KIAA0825: variants seen among roughly 807,000 people sequenced by gnomAD.
KIAA0825 encodes the protein KIAA0825.
Under a neutral mutation model 147.6 loss-of-function variants are expected in KIAA0825, and 119 were observed. The observed-to-expected ratio is 0.81, with a 90% CI of 0.69 to 0.94. KIAA0825 has a LOEUF of 0.94. Among genes scored for constraint, KIAA0825 ranks in the 40% least tolerant of loss-of-function variants. The probability of loss-of-function intolerance (pLI) is 0.00; values close to 1 mark genes in which losing one functional copy is unlikely to be tolerated. For synonymous variants in KIAA0825, 470 were observed against 518.1 expected (o/e 0.91, Z 1.26); for missense variants, 1,381 against 1,472.7 (o/e 0.94, Z 1.02).
At chr5:94,209,897 C>T (rs1270586253) in intron 20 of KIAA0825, among the ~76,000 whole-genome samples, 1 of 152,186 alleles carries the variant, frequency 6.6e-6, no homozygotes, top group African/African-American at 2.4e-5. Context: ...ATTCACCACC[C>T]AGGTGGCTAC....
intron 16 of KIAA0825, among the ~76,000 whole-genome samples, chr5:94,403,058 G>A (rs925799716): frequency 6.6e-6 from 1 of 152,002 alleles, no homozygotes; most frequent in South Asian, 2.1e-4. Flanking sequence ...CAGAATCACC[G>A]GAGGAAAAAA....
In KIAA0825 at chr5:94,392,982, C is replaced by CA. The variant is rs752875230; in HGVS notation, c.3297-1289dup. Among the ~76,000 whole-genome samples the CA allele has an allele frequency of 8.2e-3, 1,036 of 126,034 alleles. 4 individuals are homozygous for CA. Among genetic ancestry groups the CA allele is most frequent in the African/African-American group, 0.014 (472 of 33,968 alleles). The allele number at this position is 126,034 out of a possible 152,430, so 82.7% of individuals were successfully genotyped here. On this transcript the variant is annotated intron_variant, in intron 17 of 20. Coordinates refer to ENST00000682413, the MANE Select transcript of KIAA0825 (RefSeq NM_001145678.3). ...TCTTTTTGAAGGTGCATACAGGTTG[C>CA]AAAAAAAAAAAAAATTCTTGTCGGG...
chr5:94,509,141 T>C (rs1766140520), intron 5 of KIAA0825, among the ~76,000 whole-genome samples: 1 of 152,174 alleles, frequency 6.6e-6, no homozygotes, highest in Non-Finnish European at 1.5e-5. Context: ...ACTGATCACA[T>C]GTACTCTCTG....
chr5:94,547,508 C>T (rs191626339), intron 2 of KIAA0825, among the ~76,000 whole-genome samples: 14 of 152,090 alleles, frequency 9.2e-5, no homozygotes, highest in South Asian at 8.3e-4. Flanking sequence ...GAGGCCAAGG[C>T]GGGTGGATTG....
rs538286346 is a variant in KIAA0825, at chr5:94,432,935, A to T, written c.2497+7047T>A. Among the ~76,000 whole-genome samples the T allele has an allele frequency of 1.2e-4, 19 of 152,266 alleles. No individual in the cohort carries two copies. In the South Asian group the frequency reaches 3.9e-3, roughly 32 times the overall value. ...ACCCACACACCATACACAACAAAACACCAAGCTTCTGCCATAAAATGCCTT... is the reference window on the plus strand; with the variant it reads ...ACCCACACACCATACACAACAAAACTCCAAGCTTCTGCCATAAAATGCCTT... On this transcript the variant is annotated intron_variant, in intron 14 of 20. Coordinates refer to ENST00000682413, the MANE Select transcript of KIAA0825 (RefSeq NM_001145678.3).
At chr5:94,508,005 AGTCT>A (rs1163258321) in intron 5 of KIAA0825, among the ~76,000 whole-genome samples, 33 of 152,312 alleles carry the variant, frequency 2.2e-4, no homozygotes, top group Non-Finnish European at 3.4e-4. Context: ...TCATCTAGTC[AGTCT>A]GTCTTGAAGA....
intron 10 of KIAA0825, among the ~76,000 whole-genome samples, chr5:94,468,034 G>GT (rs1342134191): frequency 6.6e-6 from 1 of 152,160 alleles, no homozygotes; most frequent in Non-Finnish European, 1.5e-5. Context: ...CAATTAAATT[G>GT]TAACTACTGA....
intron 3 of KIAA0825, among the ~76,000 whole-genome samples, chr5:94,525,487 C>T (rs1769094922): frequency 6.6e-6 from 1 of 151,938 alleles, no homozygotes. Flanking sequence ...CCTCTGGCCA[C>T]AGGCCACTCA....
chr5:94,402,733 A>C (rs1449107655), intron 16 of KIAA0825, among the ~76,000 whole-genome samples: 3 of 151,384 alleles, frequency 2.0e-5, no homozygotes, highest in African/African-American at 7.3e-5. Context: ...CTAGTTTCCT[A>C]GTTTTCTAGT....
intron 20 of KIAA0825, among the ~76,000 whole-genome samples, chr5:94,263,636 CT>C (rs1424844721): frequency 6.6e-6 from 1 of 151,994 alleles, no homozygotes; most frequent in East Asian, 1.9e-4. Flanking sequence ...TCGCCAAGAC[CT>C]TTTTCTTCAA....
intron 2 of KIAA0825, among the ~76,000 whole-genome samples, chr5:94,564,572 G>A (rs1199786293): frequency 7.4e-6 from 1 of 135,600 alleles, no homozygotes; most frequent in Non-Finnish European, 1.7e-5. Flanking sequence ...GTGTGTGTGT[G>A]TGTGTGTGTG....
chr5:94,158,494 G>A (rs552498878), intron 20 of KIAA0825, among the ~76,000 whole-genome samples: 15 of 152,212 alleles, frequency 9.9e-5, no homozygotes, highest in East Asian at 9.6e-4. Flanking sequence ...ACATGTTTAT[G>A]TGCAACAATC....
intron 1 of KIAA0825, among the ~76,000 whole-genome samples, chr5:94,610,117 C>T (rs767660481): frequency 6.6e-6 from 1 of 151,926 alleles, no homozygotes; most frequent in African/African-American, 2.4e-5. Flanking sequence ...TCAAGGAGGA[C>T]GGGTAAAGAA....
rs1465927298 is a variant in KIAA0825 at position 94,403,812 on chromosome 5, T to C, written c.2663-19A>G. 6.5e-7 allele frequency: 1 copy of C among 1,543,706 alleles called. No homozygotes were observed. Among genetic ancestry groups the C allele is most frequent in the African/African-American group, 1.4e-5 (1 of 72,858 alleles). ...GTTGAGACTTTAAAATCAGATGGCATATTATGGTTAGCAGAACCTAGCAAA... is the reference window on the plus strand; with the variant it reads ...GTTGAGACTTTAAAATCAGATGGCACATTATGGTTAGCAGAACCTAGCAAA... On this transcript the variant is annotated intron_variant, in intron 15 of 20. Transcript: ENST00000682413.
intron 5 of KIAA0825, among the ~76,000 whole-genome samples, chr5:94,500,719 T>G (rs1006739581): frequency 6.6e-6 from 1 of 152,156 alleles, no homozygotes; most frequent in Admixed American, 6.5e-5. Flanking sequence ...GTTGGAATCA[T>G]CATGATAAAC....
intron 13 of KIAA0825, among the ~76,000 whole-genome samples, chr5:94,448,922 T>C (rs759262834): frequency 1.3e-5 from 2 of 152,192 alleles, no homozygotes; most frequent in Non-Finnish European, 2.9e-5. Context: ...GTTCCTCTGA[T>C]TGTACGGTGC....
intron 1 of KIAA0825, among the ~76,000 whole-genome samples, chr5:94,601,863 G>A (rs183416659): frequency 5.2e-4 from 79 of 152,262 alleles, no homozygotes; most frequent in Admixed American, 2.6e-3. Flanking sequence ...AAAAAGGAAT[G>A]AACAAAATTT....
chr5:94,288,298 T>TC (rs1357688545), intron 20 of KIAA0825, among the ~76,000 whole-genome samples: 1 of 151,840 alleles, frequency 6.6e-6, no homozygotes, highest in Non-Finnish European at 1.5e-5. Context: ...CCCAGATTTT[T>TC]CCCCCCATCT....
At chr5:94,308,834 G>T (rs1037869342) in intron 20 of KIAA0825, among the ~76,000 whole-genome samples, 6 of 149,804 alleles carry the variant, frequency 4.0e-5, no homozygotes. Context: ...CATTCAGGCC[G>T]TTTTCCTCCT....
Sources: gnomAD v4.1 joint callset for allele counts (sites outside exome capture counted in the v4.1 genomes callset) on GRCh38, gnomAD v4.1.1 for gene constraint, MANE v1.5 for transcripts, NCBI Gene and HGNC (gene_info 2026-07-23, HGNC 2026-07-21) for gene names.